Variants in ZIM2 observed in about 807,000 individuals in gnomAD.
ZIM2 encodes the protein zinc finger protein 656.
A neutral mutation model predicts 38.6 loss-of-function variants in ZIM2; 14 were observed. The observed-to-expected ratio is 0.36, with a 90% CI of 0.24 to 0.57. ZIM2 has a LOEUF of 0.57. Ranked by LOEUF, ZIM2 falls within the 20% of genes least tolerant of loss-of-function variation. ZIM2 has a pLI of 0.81. For missense variants in ZIM2, 680 were observed against 695.1 expected, an observed-to-expected ratio of 0.98 and a Z score of 0.24; for synonymous variants, 247 against 245.8, an observed-to-expected ratio of 1.00 and a Z score of -0.04.
intron 9 of ZIM2, among the ~76,000 whole-genome samples, chr19:56,804,461 G>A (rs758158089): frequency 5.3e-5 from 8 of 152,168 alleles, no homozygotes; most frequent in Non-Finnish European, 7.3e-5. Context: ...CCTGGAGACC[G>A]CAGTCTTCAG....
intron 9 of ZIM2, among the ~76,000 whole-genome samples, chr19:56,795,632 C>T (rs1014315221): frequency 6.6e-6 from 1 of 152,238 alleles, no homozygotes; most frequent in East Asian, 1.9e-4. Context: ...AGGGTTGGTA[C>T]GGCGAGGAGA....
chr19:56,774,890 A>G lies in ZIM2; in HGVS notation c.1475T>C (p.Val492Ala). The G allele has an allele frequency of 1.2e-6, 2 of 1,614,170 alleles. No homozygotes were observed. The highest frequency in any genetic ancestry group is 1.7e-6 in the Non-Finnish European group (2 of 1,180,032). The change falls in exon 13 of 13, where the codon GTT (valine) becomes GCT (alanine). Residue 492 changes from valine (V) to alanine (A), a missense_variant. By Grantham distance (64) the Val-to-Ala change is moderately conservative. Transcript: ENST00000629319. ...LIRYQRKHDY[V>A]GERACQCCDC... The stretch of plus-strand genomic sequence containing the variant: ...ACAACACTGGCAGGCTCTCTCTCCA[A>G]CGTAGTCATGTTTCCGCTGATAACG...
At chr19:56,836,716 C>T (rs1644373019) in intron 1 of ZIM2, among the ~76,000 whole-genome samples, 2 of 152,176 alleles carry the variant, frequency 1.3e-5, no homozygotes, top group African/African-American at 4.8e-5. Flanking sequence ...CGCCTGTAAT[C>T]CCAGCACTTT....
intron 10 of ZIM2, among the ~76,000 whole-genome samples, chr19:56,783,092 T>G (rs1395863284): frequency 6.6e-6 from 1 of 152,138 alleles, no homozygotes; most frequent in Non-Finnish European, 1.5e-5. Context: ...TAGGTATATT[T>G]ACTCATGTGT....
chr19:56,810,185 T>C (rs1054666025), intron 9 of ZIM2: 152 of 979,606 alleles, frequency 1.6e-4, no homozygotes, highest in Non-Finnish European at 1.8e-4. Flanking sequence ...ATGAAGAAAA[T>C]ATATCAAGAT....
intron 9 of ZIM2, chr19:56,811,089 T>TG: frequency 3.0e-6 from 3 of 984,736 alleles, no homozygotes; most frequent in Non-Finnish European, 3.6e-6. Context: ...CTTTGGATGG[T>TG]GGGGATATGA....
At chr19:56,824,483 AC>A in intron 3 of ZIM2, 56 bp from the exon 4 acceptor site, 1 of 1,614,140 alleles carries the variant, frequency 6.2e-7, no homozygotes, top group African/African-American at 1.3e-5. Flanking sequence ...CCGAGGCCCA[AC>A]AAATTCCACA....
chr19:56,782,004 T>C lies in ZIM2; in HGVS notation c.688A>G (p.Asn230Asp). ...TCCAGCATCACCTCCCTGTAGAGGT[T>C]TCTCTGAGCAGCACTAAGGGAACTA... Reference protein sequence around the residue: ...ELSSLSAAQRNLYREVMLENY... With the variant: ...ELSSLSAAQRDLYREVMLENY... The change falls in exon 11 of 13, where the codon AAC (asparagine) becomes GAC (aspartate). Residue 230 changes from asparagine (N) to aspartate (D), a missense_variant. By Grantham distance (23) the Asn-to-Asp change is conservative. Transcript: ENST00000629319. 9 of 1,613,964 alleles carry C rather than the reference T, an allele frequency of 5.6e-6. No individual in the cohort carries two copies. Among genetic ancestry groups the C allele is most frequent in the Non-Finnish European group, 7.6e-6 (9 of 1,179,904 alleles).
At chr19:56,825,673 CTAAG>C (rs944143432) in intron 3 of ZIM2, among the ~76,000 whole-genome samples, 3 of 152,000 alleles carry the variant, frequency 2.0e-5, no homozygotes, top group African/African-American at 4.8e-5. Context: ...TCTGGTGCAA[CTAAG>C]TAAGGCAATA....
At chr19:56,778,843 A>T (rs2046165833) in intron 12 of ZIM2, among the ~76,000 whole-genome samples, 1 of 152,140 alleles carries the variant, frequency 6.6e-6, no homozygotes, top group African/African-American at 2.4e-5. Flanking sequence ...TAGAGTTTGG[A>T]GGAGGTGAAG....
chr19:56,804,612 A>C (rs970583493), intron 9 of ZIM2, among the ~76,000 whole-genome samples: 2 of 152,334 alleles, frequency 1.3e-5, no homozygotes, highest in East Asian at 3.9e-4. Flanking sequence ...TCCATTTTAC[A>C]GAAGAGGAAA....
rs551996226 is a variant in ZIM2, at chr19:56,786,286, G to A, written c.570+3586C>T. On this transcript the variant is annotated intron_variant, in intron 10 of 12. Transcript: ENST00000629319. ...AAGGCAATATCCTCCTTAAGAATGC[G>A]TGTTCCAGGACATGACTTTCAAGGA... 2.0e-5 allele frequency among the ~76,000 whole-genome samples: 3 copies of A among 152,182 alleles called. No individual in the cohort carries two copies. In the South Asian group the frequency reaches 6.2e-4, roughly 32 times the overall value.
chr19:56,787,079 G>A (rs1041751511), intron 10 of ZIM2, among the ~76,000 whole-genome samples: 3 of 151,586 alleles, frequency 2.0e-5, no homozygotes, highest in Non-Finnish European at 2.9e-5. Context: ...AAGGTGATCC[G>A]CCTGCCTTGG....
In ZIM2 at chr19:56,821,687, G is replaced by A. The variant is rs139404296; in HGVS notation, c.258C>T (p.Asp86=). 2.9e-5 allele frequency: 47 copies of A among 1,613,910 alleles called. No homozygotes were observed. The highest frequency in any genetic ancestry group is 3.3e-4 in the Middle Eastern group (2 of 6,084). The stretch of plus-strand genomic sequence containing the variant: ...ACTCATAAGCCCTGGAGTCCCTGTC[G>A]TCCTCTCTGTCCATTTCAAAGCTTG... The part of the protein sequence containing the change: ...AKTSFEMDRE[D]DRDSRAYESR... Residue 86 remains aspartate, a synonymous_variant, in exon 7 of 13, where the codon GAC becomes GAT. Coordinates refer to ENST00000629319, the MANE Select transcript of ZIM2 (RefSeq NM_001387356.1).
intron 2 of ZIM2, 124 bp from the exon 3 acceptor site, chr19:56,826,587 T>C (rs2061056546): frequency 6.6e-6 from 1 of 152,186 alleles, no homozygotes; most frequent in Middle Eastern, 3.2e-3. Flanking sequence ...ATGCCTTCTA[T>C]ACCTTCGGGG....
At chr19:56,799,198 T>G (rs930657243) in intron 9 of ZIM2, 1 of 152,098 alleles carries the variant, frequency 6.6e-6, no homozygotes, top group African/African-American at 2.4e-5. Context: ...GGAATCAACC[T>G]AAATGCTCAT....
intron 1 of ZIM2, among the ~76,000 whole-genome samples, chr19:56,837,118 AG>A (rs1367005297): frequency 1.3e-5 from 2 of 152,090 alleles, no homozygotes; most frequent in African/African-American, 4.8e-5. Flanking sequence ...AGTGAGCTCT[AG>A]GACTCCGTAG....
chr19:56,840,315 T>C (rs2062862407), intron 1 of ZIM2, among the ~76,000 whole-genome samples: 1 of 152,098 alleles, frequency 6.6e-6, no homozygotes, highest in South Asian at 2.1e-4. Context: ...GACTGCAAGA[T>C]GGCGGCACCA....
At chr19:56,778,323 AAGAAAC>A (rs1345511044) in intron 12 of ZIM2, among the ~76,000 whole-genome samples, 5 of 152,220 alleles carry the variant, frequency 3.3e-5, no homozygotes, top group Non-Finnish European at 7.4e-5. Flanking sequence ...AAGACAATGA[AAGAAAC>A]AGAGAGGAGT....
Sources: gnomAD v4.1 joint callset for allele counts (sites outside exome capture counted in the v4.1 genomes callset) on GRCh38, gnomAD v4.1.1 for gene constraint, MANE v1.5 for transcripts, NCBI Gene and HGNC (gene_info 2026-07-23, HGNC 2026-07-21) for gene names.